MRC1: variants seen among roughly 807,000 people sequenced by gnomAD.
MRC1 encodes the protein mannose receptor C-type 1, also known as macrophage mannose receptor 1.
Under a neutral mutation model 102.9 loss-of-function variants are expected in MRC1, and 62 were observed. The observed-to-expected ratio is 0.60, with a 90% confidence interval of 0.49 to 0.74. The LOEUF (loss-of-function observed/expected upper bound fraction) is 0.74. Among genes scored for constraint, MRC1 ranks in the 30% least tolerant of loss-of-function variants. The probability of loss-of-function intolerance (pLI) is 0.00; values close to 1 mark genes in which losing one functional copy is unlikely to be tolerated. For synonymous variants in MRC1, 457 were observed against 298.4 expected, an observed-to-expected ratio of 1.53 and a Z score of -5.48; for missense variants, 1,237 against 862.8, an observed-to-expected ratio of 1.43 and a Z score of -5.43.
intron 19 of MRC1, 68 bp downstream of exon 19, chr10:17,879,889 A>T: frequency 2.6e-6 from 2 of 780,306 alleles, no homozygotes. Context: ...CCCTAGACTA[A>T]AAGTAGCAAG....
Position 17,845,450 on chromosome 10 carries a change from G to T in MRC1, c.1063+15G>T. The stretch of plus-strand genomic sequence containing the variant: ...TATTCCCTCAGGTAAGTGATCTATG[G>T]GATCTGAAGTGCCTCAACTATTAGA... On this transcript the variant is annotated intron_variant, in intron 6 of 29. Transcript: ENST00000569591. The T allele has an allele frequency of 2.6e-6, 2 of 780,758 alleles. No individual in the cohort carries two copies. Among genetic ancestry groups the T allele is most frequent in the Non-Finnish European group, 4.8e-6 (2 of 417,926 alleles). The allele number at this position is 780,758 out of a possible 1,614,324, so 48.4% of individuals were successfully genotyped here. A position where few individuals can be genotyped will look rare whatever the true frequency, so the allele number is the denominator to read the frequency against.
At chr10:17,857,194 G>A (rs1833105129) in intron 9 of MRC1, among the ~76,000 whole-genome samples, 1 of 152,140 alleles carries the variant, frequency 6.6e-6, no homozygotes. Context: ...AAAGGACCTG[G>A]GTGATTTCAC....
intron 26 of MRC1, among the ~76,000 whole-genome samples, chr10:17,903,539 G>A (rs1833858222): frequency 6.6e-6 from 1 of 151,334 alleles, no homozygotes; most frequent in South Asian, 2.1e-4. Flanking sequence ...GAGACAACAG[G>A]CACATGCCAC....
At chr10:17,863,487 A>T (rs1453682016) in intron 10 of MRC1, 47 bp from the exon 11 acceptor site, 1 of 780,126 alleles carries the variant, frequency 1.3e-6, no homozygotes. Context: ...GAAAATTGGC[A>T]TAAATGTTTC....
Position 17,856,264 on chromosome 10 carries a change from G to C in MRC1, c.1430G>C (p.Gly477Ala). 1 of 867,140 alleles carries C rather than the reference G, an allele frequency of 1.2e-6. No homozygotes were observed. The highest frequency in any genetic ancestry group is 2.0e-6 in the Non-Finnish European group (1 of 499,244). The allele number at this position is 867,140 out of a possible 1,614,324, so 53.7% of individuals were successfully genotyped here. A position where few individuals can be genotyped will look rare whatever the true frequency, so the allele number is the denominator to read the frequency against. ...KGKDGYWADR[G>A]CEWPLGYICK... ...CAGGATGGGTACTGGGCAGATCGGG[G>C]CTGTGAGTGGCCTCTTGGCTACATC... Residue 477 changes from glycine (G) to alanine (A), a missense_variant, in exon 9 of 30, where the codon GGC (glycine) becomes GCC (alanine). By Grantham distance (60) the Gly-to-Ala change is moderately conservative. Coordinates refer to ENST00000569591, the MANE Select transcript of MRC1 (RefSeq NM_002438.4).
intron 11 of MRC1, among the ~76,000 whole-genome samples, chr10:17,864,554 C>T (rs895710317): frequency 1.3e-5 from 2 of 152,022 alleles, no homozygotes; most frequent in African/African-American, 2.4e-5. Context: ...GGAGGTCGGC[C>T]GCGGTGGCTC....
intron 22 of MRC1, among the ~76,000 whole-genome samples, chr10:17,890,846 C>T (rs928169318): frequency 1.5e-4 from 23 of 152,056 alleles, no homozygotes; most frequent in Admixed American, 9.8e-4. Flanking sequence ...GGGTGGCAGG[C>T]GAGTGAGCTA....
chr10:17,909,744 A>AT (rs1833944229), intron 29 of MRC1, among the ~76,000 whole-genome samples: 2 of 151,868 alleles, frequency 1.3e-5, no homozygotes, highest in Non-Finnish European at 2.9e-5. Context: ...TTAAAAAAAA[A>AT]CTGAAAGTGA....
intron 12 of MRC1, among the ~76,000 whole-genome samples, chr10:17,869,035 A>G (rs1833318237): frequency 6.6e-6 from 1 of 152,214 alleles, no homozygotes; most frequent in Admixed American, 6.5e-5. Flanking sequence ...GTTTTCTGAG[A>G]GAATCAGCAG....
chr10:17,837,587 A>G (rs1309801833), intron 4 of MRC1, among the ~76,000 whole-genome samples: 3 of 151,880 alleles, frequency 2.0e-5, no homozygotes, highest in African/African-American at 7.2e-5. Context: ...GAGGGTTTTG[A>G]AAAGTCTGTA....
At position 17,880,512 on chromosome 10, in the gene MRC1, C is replaced by A. The variant is rs1833498813; in HGVS notation, c.2720-13C>A. On this transcript the variant is annotated splice_polypyrimidine_tract_variant and intron_variant, in intron 19 of 29. Transcript: ENST00000569591. ...ACATATGAATCTAATTTAACTATTTCTCTCTTTGCCAGGGTTTTGGAATGA... is the reference window on the plus strand; with the variant it reads ...ACATATGAATCTAATTTAACTATTTATCTCTTTGCCAGGGTTTTGGAATGA... 8.2e-5 allele frequency: 64 copies of A among 780,746 alleles called. No individual in the cohort carries two copies. Among genetic ancestry groups the A allele is most frequent in the South Asian group, 8.2e-4 (61 of 74,598 alleles). The allele number at this position is 780,746 out of a possible 1,614,324, so 48.4% of individuals were successfully genotyped here.
At chr10:17,826,727 T>G (rs1838481567) in intron 2 of MRC1, among the ~76,000 whole-genome samples, 1 of 152,220 alleles carries the variant, frequency 6.6e-6, no homozygotes, top group Non-Finnish European at 1.5e-5. Context: ...TAATCAACAA[T>G]GATTCTGTGT....
rs1405572928 is a variant in MRC1 at position 17,894,275 on chromosome 10, C to T, written c.3213C>T (p.Cys1071=). 5.6e-5 allele frequency: 49 copies of T among 871,792 alleles called. No homozygotes were observed. The highest frequency in any genetic ancestry group is 9.8e-5 in the African/African-American group (6 of 61,016). The allele number at this position is 871,792 out of a possible 1,614,324, so 54.0% of individuals were successfully genotyped here. Residue 1071 remains cysteine (C), a synonymous_variant, in exon 23 of 30, where the codon TGC becomes TGT. Transcript: ENST00000569591. ...CAGGAAAATGGATGGATGATACCTG[C>T]GACAGTAAACGAGGCTACATATGCC... ...NEAGKWMDDT[C]DSKRGYICQT... is the part of the protein sequence containing the mutation.
At chr10:17,816,172 TA>T (rs1405224550) in intron 1 of MRC1, among the ~76,000 whole-genome samples, 1 of 152,188 alleles carries the variant, frequency 6.6e-6, no homozygotes, top group African/African-American at 2.4e-5. Context: ...AGGTGCAGGG[TA>T]AATATTTGTT....
intron 1 of MRC1, among the ~76,000 whole-genome samples, chr10:17,817,029 C>G (rs1838322561): frequency 6.6e-6 from 1 of 152,082 alleles, no homozygotes; most frequent in South Asian, 2.1e-4. Context: ...AGGTGGATCA[C>G]TTGAGATCAG....
intron 2 of MRC1, among the ~76,000 whole-genome samples, chr10:17,823,990 A>G (rs1432365708): frequency 1.3e-5 from 2 of 152,218 alleles, no homozygotes; most frequent in African/African-American, 4.8e-5. Flanking sequence ...GGTTATGGGT[A>G]TTTAGAGACT....
At chr10:17,857,561 C>G (rs1243537127) in intron 9 of MRC1, among the ~76,000 whole-genome samples, 1 of 152,002 alleles carries the variant, frequency 6.6e-6, no homozygotes, top group Non-Finnish European at 1.5e-5. Flanking sequence ...TTATTGCATT[C>G]TAATAGATTT....
Position 17,897,893 on chromosome 10 carries a change from T to A in MRC1, c.3251-141T>A, listed in dbSNP as rs1396852324. The A allele has an allele frequency of 8.2e-6, 6 of 731,120 alleles. No homozygotes were observed. The East Asian group carries it at 1.5e-4, about 18-fold the overall frequency. 45.3% of individuals were successfully genotyped at this position (731,120 alleles called of 1,614,324 possible). ...GTTTGTTTTCTAGTGTGAAATGGCT[T>A]ATAAAATATTTCTAACAGCTGAATG... On this transcript the variant is annotated intron_variant, in intron 23 of 29. Coordinates refer to ENST00000569591, the MANE Select transcript of MRC1 (RefSeq NM_002438.4).
chr10:17,841,231 G>A (rs1838744570), intron 5 of MRC1, among the ~76,000 whole-genome samples: 1 of 152,186 alleles, frequency 6.6e-6, no homozygotes, highest in Non-Finnish European at 1.5e-5. Flanking sequence ...TCTTTGTAAA[G>A]TTTGACAAGT....
Sources: gnomAD v4.1 joint callset for allele counts (sites outside exome capture counted in the v4.1 genomes callset) on GRCh38, gnomAD v4.1.1 for gene constraint, MANE v1.5 for transcripts, NCBI Gene and HGNC (gene_info 2026-07-23, HGNC 2026-07-21) for gene names.